The following ARHGAP6 variants were observed in gnomAD, a reference collection of about 807,000 sequenced individuals.
The protein encoded by ARHGAP6 is Rho GTPase activating protein 6.
In ARHGAP6, 16 loss-of-function variants were observed where a neutral mutation model predicts 55.7. The ratio of observed to expected loss-of-function variants is 0.29; its 90% CI spans 0.19 to 0.44. The LOEUF is 0.44. Among genes scored for constraint, ARHGAP6 ranks in the 20% least tolerant of loss-of-function variants. The probability of loss-of-function intolerance (pLI) is 1.00; values close to 1 mark genes in which losing one functional copy is unlikely to be tolerated. For missense variants in ARHGAP6, 698 were observed against 808.9 expected, an observed-to-expected ratio of 0.86 and a Z score of 1.66; for synonymous variants, 382 against 360.9, an observed-to-expected ratio of 1.06 and a Z score of -0.66.
intron 1 of ARHGAP6, among the ~76,000 whole-genome samples, chrX:11,336,133 T>C (rs186007261): frequency 8.9e-6 from 1 of 112,476 alleles, no homozygotes; most frequent in African/African-American, 3.2e-5. Flanking sequence ...CTCTGAATTA[T>C]TCAAATAATT....
In ARHGAP6 at chrX:11,326,983, T is replaced by C. The variant is rs191768599; in HGVS notation, c.589-72276A>G. ...GATTTCATGATAAGTACACATTAAATCTAAAAAAAACCCCTACATCCCTAA... is the reference window on the plus strand; with the variant it reads ...GATTTCATGATAAGTACACATTAAACCTAAAAAAAACCCCTACATCCCTAA... On this transcript the variant is annotated intron_variant, in intron 1 of 12. Coordinates refer to ENST00000337414, the MANE Select transcript of ARHGAP6 (RefSeq NM_013427.3). 3.7e-3 allele frequency among the ~76,000 whole-genome samples: 418 copies of C among 111,641 alleles called. 1 individual carries two copies. Among genetic ancestry groups the C allele is most frequent in the Middle Eastern group, 0.014 (3 of 217 alleles).
intron 1 of ARHGAP6, among the ~76,000 whole-genome samples, chrX:11,306,734 G>T (rs772986312): frequency 6.1e-4 from 69 of 112,241 alleles, no homozygotes; most frequent in Non-Finnish European, 1.3e-3. Context: ...TATTTTTAAT[G>T]GCAAATGTAA....
chrX:11,399,354 C>CAAAAAAAAAAAAAAAAAAAAAAAAA, intron 1 of ARHGAP6, among the ~76,000 whole-genome samples: 1 of 35,365 alleles, frequency 2.8e-5, no homozygotes, highest in Non-Finnish European at 5.0e-5. Context: ...AATAAGCAAT[C>CAAAAAAAAAAAAAAAAAAAAAAAAA]AAAAAAAAAA....
chrX:11,185,836 T>C (rs780772739), intron 5 of ARHGAP6, among the ~76,000 whole-genome samples: 40 of 111,832 alleles, frequency 3.6e-4, no homozygotes, highest in Admixed American at 1.3e-3. Context: ...TTTTTTTAAG[T>C]TGGACTCTTA....
At chrX:11,178,483 TAAA>T (rs76166465) in intron 7 of ARHGAP6, among the ~76,000 whole-genome samples, 1 of 96,855 alleles carries the variant, frequency 1.0e-5, no homozygotes. Flanking sequence ...GTAATCCAGG[TAAA>T]AAAAAAAAAA....
At position 11,444,592 on chromosome X, in the gene ARHGAP6, C is replaced by A. The variant is rs148671861; in HGVS notation, c.589-189885G>T. Among the ~76,000 whole-genome samples the A allele has an allele frequency of 9.4e-3, 1,057 of 112,027 alleles. 14 individuals are homozygous for A. The highest frequency in any genetic ancestry group is 0.032 in the African/African-American group (990 of 30,802). Reference sequence around the variant, plus strand: ...TCTGTCTGATACATGGGCATGATGGCTGGAAATATAGCATTCATCTTGTGA... The same window carrying A: ...TCTGTCTGATACATGGGCATGATGGATGGAAATATAGCATTCATCTTGTGA... On this transcript the variant is annotated intron_variant, in intron 1 of 12. Coordinates refer to ENST00000337414, the MANE Select transcript of ARHGAP6 (RefSeq NM_013427.3).
intron 1 of ARHGAP6, among the ~76,000 whole-genome samples, chrX:11,590,917 A>AG (rs199528240): frequency 3.0e-5 from 2 of 66,884 alleles, no homozygotes; most frequent in Non-Finnish European, 6.1e-5. Context: ...AAAGAAAGAA[A>AG]AGAAAAGAAA....
At chrX:11,296,875 C>T in intron 1 of ARHGAP6, 1 of 1,161,417 alleles carries the variant, frequency 8.6e-7, no homozygotes, top group African/African-American at 1.8e-5. Context: ...TTAACAATGC[C>T]CTGGGCTCTG....
chrX:11,516,261 T>C (rs2050839203), intron 1 of ARHGAP6, among the ~76,000 whole-genome samples: 2 of 112,555 alleles, frequency 1.8e-5, no homozygotes, highest in South Asian at 3.6e-4. Context: ...ATACATAATA[T>C]AAAATTTGCC....
At chrX:11,355,166 T>C (rs755506334) in intron 1 of ARHGAP6, among the ~76,000 whole-genome samples, 59 of 110,971 alleles carry the variant, frequency 5.3e-4, no homozygotes, top group African/African-American at 1.9e-3. Flanking sequence ...CACCAGGCAA[T>C]GGAAACTTGA....
Position 11,615,601 on chromosome X carries a change from A to G in ARHGAP6, c.588+48640T>C, listed in dbSNP as rs752869781. 8.9e-5 allele frequency among the ~76,000 whole-genome samples: 10 copies of G among 112,322 alleles called. No individual in the cohort carries two copies. The East Asian group carries it at 2.8e-3, about 31-fold the overall frequency. ...TGTACTCCCATGAGCACCCACAGAC[A>G]GGAAAACAAAACACCTAAAACATCT... On this transcript the variant is annotated intron_variant, in intron 1 of 12. Coordinates refer to ENST00000337414, the MANE Select transcript of ARHGAP6 (RefSeq NM_013427.3).
intron 1 of ARHGAP6, among the ~76,000 whole-genome samples, chrX:11,500,663 C>CAAAAAAAAAAAAA (rs995574477): frequency 3.0e-5 from 1 of 33,607 alleles, no homozygotes; most frequent in African/African-American, 1.1e-4. Flanking sequence ...CAGACTCTGT[C>CAAAAAAAAAAAAA]AAAAAAAAAA....
rs190492218 is a variant in ARHGAP6 at position 11,215,831 on chromosome X, C to T, written c.749-18835G>A. Among the ~76,000 whole-genome samples the T allele has an allele frequency of 3.8e-3, 429 of 112,471 alleles. 3 individuals carry two copies. Among genetic ancestry groups the T allele is most frequent in the Non-Finnish European group, 6.8e-3 (361 of 53,205 alleles). On this transcript the variant is annotated intron_variant, in intron 2 of 12. Coordinates refer to ENST00000337414, the MANE Select transcript of ARHGAP6 (RefSeq NM_013427.3). ...GCACACAGGCAGCAGACAGTCAGCC[C>T]GAGGCCCCCAGCCCCTATGTTGCTT...
chrX:11,211,702 C>T (rs1294521053), intron 2 of ARHGAP6, among the ~76,000 whole-genome samples: 1 of 110,437 alleles, frequency 9.1e-6, no homozygotes, highest in Non-Finnish European at 1.9e-5. Flanking sequence ...CGCCACCACA[C>T]CTGGCTAATT....
At position 11,177,201 on chromosome X, in the gene ARHGAP6, G is replaced by C. The variant is rs145568724; in HGVS notation, c.1629+899C>G. On this transcript the variant is annotated intron_variant, in intron 8 of 12. Coordinates refer to ENST00000337414, the MANE Select transcript of ARHGAP6 (RefSeq NM_013427.3). Reference sequence around the variant, plus strand: ...GTATAACTGCATGGTATCAAAGAGGGAAGGGGGTGTCTCTTGTTAAGGTGA... The same window carrying C: ...GTATAACTGCATGGTATCAAAGAGGCAAGGGGGTGTCTCTTGTTAAGGTGA... Among the ~76,000 whole-genome samples the C allele has an allele frequency of 2.9e-3, 319 of 111,289 alleles. 1 individual carries two copies. Among genetic ancestry groups the C allele is most frequent in the African/African-American group, 0.01 (308 of 30,600 alleles).
chrX:11,621,283 T>A (rs975922711), intron 1 of ARHGAP6, among the ~76,000 whole-genome samples: 1 of 111,960 alleles, frequency 8.9e-6, no homozygotes, highest in Non-Finnish European at 1.9e-5. Flanking sequence ...AGACAGCCAA[T>A]ATATCAATAT....
intron 1 of ARHGAP6, among the ~76,000 whole-genome samples, chrX:11,270,756 C>T (rs1296294518): frequency 1.8e-5 from 2 of 111,796 alleles, no homozygotes; most frequent in African/African-American, 6.5e-5. Context: ...GTCTAGGCAG[C>T]AATAAAACAA....
At chrX:11,652,192 T>C (rs183158879) in intron 1 of ARHGAP6, among the ~76,000 whole-genome samples, 45 of 112,525 alleles carry the variant, frequency 4.0e-4, no homozygotes, top group African/African-American at 1.4e-3. Flanking sequence ...TGTCATGAAA[T>C]CTTTGCCCAT....
chrX:11,602,342 G>T (rs1027418944), intron 1 of ARHGAP6, among the ~76,000 whole-genome samples: 4 of 112,181 alleles, frequency 3.6e-5, no homozygotes, highest in Admixed American at 9.4e-5. Context: ...AAGCAGAGGG[G>T]TATATTGCAA....
Sources: allele counts gnomAD v4.1 joint callset (sites outside exome capture counted in the v4.1 genomes callset), GRCh38; gene constraint gnomAD v4.1.1; transcripts MANE v1.5; gene names NCBI Gene and HGNC (gene_info 2026-07-23, HGNC 2026-07-21).